SHISA9: variants seen among roughly 807,000 people sequenced by gnomAD.
The protein encoded by SHISA9 is protein shisa-9.
A neutral mutation model predicts 38.0 loss-of-function variants in SHISA9; 13 were observed. That is an observed-to-expected ratio of 0.34 (90% confidence interval 0.22 to 0.54). SHISA9 has a LOEUF of 0.54. Ranked by LOEUF, SHISA9 falls within the 20% of genes least tolerant of loss-of-function variation. The pLI is 0.91. For missense variants in SHISA9, 538 were observed against 575.8 expected, an observed-to-expected ratio of 0.93 and a Z score of 0.67; for synonymous variants, 275 against 242.0, an observed-to-expected ratio of 1.14 and a Z score of -1.27.
Position 13,135,866 on chromosome 16 carries a change from G to C in SHISA9, c.692-67528G>C, listed in dbSNP as rs1149420. Among the ~76,000 whole-genome samples, 220 of 152,132 alleles carry C rather than the reference G, an allele frequency of 1.4e-3. 1 individual carries two copies. Among genetic ancestry groups the C allele is most frequent in the Middle Eastern group, 0.01 (3 of 294 alleles). On this transcript the variant is annotated intron_variant, in intron 2 of 4. Transcript: ENST00000558583. ...CATCTGGCAAAAACACCATTTTGTTGCTTAAGGGTTTTGTGCTTCTGGGGT... is the reference window on the plus strand; with the variant it reads ...CATCTGGCAAAAACACCATTTTGTTCCTTAAGGGTTTTGTGCTTCTGGGGT...
chr16:13,257,805 T>G, the SHISA9 span, among the ~76,000 whole-genome samples: 2 of 152,230 alleles, frequency 1.3e-5, no homozygotes, highest in African/African-American at 4.8e-5. Context: ...ACTTAGAAGC[T>G]GATGAAATCT....
At chr16:13,278,469 T>C in the SHISA9 span, among the ~76,000 whole-genome samples, 1 of 152,102 alleles carries the variant, frequency 6.6e-6, no homozygotes, top group Non-Finnish European at 1.5e-5. Flanking sequence ...CTCTGTCTTG[T>C]GGAATAGTGT....
At chr16:12,931,871 T>C (rs2071465823) in intron 2 of SHISA9, among the ~76,000 whole-genome samples, 1 of 152,172 alleles carries the variant, frequency 6.6e-6, no homozygotes, top group African/African-American at 2.4e-5. Flanking sequence ...AATGATATCG[T>C]TTGGCTGTGT....
At chr16:13,307,650 C>T in the SHISA9 span, among the ~76,000 whole-genome samples, 2 of 152,212 alleles carry the variant, frequency 1.3e-5, no homozygotes, top group Non-Finnish European at 2.9e-5. Flanking sequence ...GCGTGAAGTA[C>T]AGCTCTAATG....
At chr16:13,046,268 G>T (rs2073187729) in intron 2 of SHISA9, among the ~76,000 whole-genome samples, 1 of 152,174 alleles carries the variant, frequency 6.6e-6, no homozygotes, top group South Asian at 2.1e-4. Context: ...TGTATTTTCT[G>T]AACCTAAATT....
the SHISA9 span, among the ~76,000 whole-genome samples, chr16:13,367,712 GCACACACACACA>G: frequency 1.2e-3 from 128 of 104,690 alleles, 1 homozygote; most frequent in Middle Eastern, 5.1e-3. Flanking sequence ...GCGCGCGCGC[GCACACACACACA>G]CACACACACA....
chr16:13,301,253 T>C, the SHISA9 span, among the ~76,000 whole-genome samples: 1 of 152,182 alleles, frequency 6.6e-6, no homozygotes, highest in African/African-American at 2.4e-5. Flanking sequence ...GGAGACGAGA[T>C]TCACACTGAG....
chr16:13,403,587 T>C, the SHISA9 span, among the ~76,000 whole-genome samples: 1 of 152,156 alleles, frequency 6.6e-6, no homozygotes. Flanking sequence ...GAAATGGAGA[T>C]AGTAATTCAA....
intron 2 of SHISA9, among the ~76,000 whole-genome samples, chr16:12,954,479 AGT>A (rs1321415897): frequency 5.9e-5 from 9 of 152,100 alleles, no homozygotes; most frequent in Non-Finnish European, 1.5e-5. Context: ...CATGGGGAAC[AGT>A]GTGTGTGTGG....
At chr16:13,508,127 G>A in the SHISA9 span, among the ~76,000 whole-genome samples, 1 of 151,752 alleles carries the variant, frequency 6.6e-6, no homozygotes, top group African/African-American at 2.4e-5. Context: ...TTCCTTTTCT[G>A]TAATATGGGA....
At chr16:13,061,111 T>C (rs75689203) in intron 2 of SHISA9, among the ~76,000 whole-genome samples, 2,113 of 152,266 alleles carry the variant, frequency 0.014, 58 homozygotes, top group African/African-American at 0.047. Context: ...GCCCTGCCTC[T>C]TGGAAGCCAA....
intron 2 of SHISA9, among the ~76,000 whole-genome samples, chr16:12,940,934 GAAAC>G (rs563516360): frequency 6.6e-6 from 1 of 152,178 alleles, no homozygotes; most frequent in Admixed American, 6.5e-5. Flanking sequence ...AAAACAAGAA[GAAAC>G]AAACAAAGCC....
chr16:13,430,881 T>C, the SHISA9 span, among the ~76,000 whole-genome samples: 3 of 150,232 alleles, frequency 2.0e-5, no homozygotes, highest in African/African-American at 7.4e-5. Flanking sequence ...ATTGTGTCAC[T>C]GCACTCCATC....
At chr16:13,167,065 C>T (rs153096) in intron 2 of SHISA9, among the ~76,000 whole-genome samples, 111,898 of 142,538 alleles carry the variant, frequency 0.79, 43,964 homozygotes, top group East Asian at 0.87. Flanking sequence ...CTCTCTCTCT[C>T]TTTTTTCTTT....
chr16:13,294,366 C>T, the SHISA9 span, among the ~76,000 whole-genome samples: 2 of 152,182 alleles, frequency 1.3e-5, no homozygotes, highest in African/African-American at 2.4e-5. Flanking sequence ...TTAGTTAGGC[C>T]ACCATAGCTG....
intron 2 of SHISA9, among the ~76,000 whole-genome samples, chr16:13,124,464 A>T (rs1193790967): frequency 6.6e-6 from 1 of 152,168 alleles, no homozygotes; most frequent in African/African-American, 2.4e-5. Context: ...GGGGCCGTTC[A>T]CTGTTAGCAG....
chr16:13,339,450 A>G, the SHISA9 span, among the ~76,000 whole-genome samples: 69,919 of 151,936 alleles, frequency 0.46, 17,208 homozygotes, highest in East Asian at 0.77. Context: ...GTCTTAAATA[A>G]CTAATTTATC....
At chr16:13,469,113 G>A in the SHISA9 span, among the ~76,000 whole-genome samples, 123 of 151,166 alleles carry the variant, frequency 8.1e-4, no homozygotes, top group Non-Finnish European at 8.8e-4. Flanking sequence ...GTGATGGTGG[G>A]TGTCTGTAAT....
the SHISA9 span, among the ~76,000 whole-genome samples, chr16:13,385,837 T>C: frequency 6.6e-6 from 1 of 152,096 alleles, no homozygotes; most frequent in Non-Finnish European, 1.5e-5. Context: ...AACAAACTAC[T>C]GGTACACATA....
Sources: allele counts gnomAD v4.1 joint callset (sites outside exome capture counted in the v4.1 genomes callset), GRCh38; gene constraint gnomAD v4.1.1; transcripts MANE v1.5; gene names NCBI Gene and HGNC (gene_info 2026-07-23, HGNC 2026-07-21).